The following MAGED1 variants were observed in gnomAD, a reference collection of about 807,000 sequenced individuals.
The protein encoded by MAGED1 is melanoma-associated antigen D1.
MAGED1 carries 3 observed loss-of-function variants against 54.1 expected under a neutral mutation model. The ratio of observed to expected loss-of-function variants is 0.06; its 90% CI spans 0.03 to 0.14. The LOEUF (loss-of-function observed/expected upper bound fraction) is 0.14. Ranked by LOEUF, MAGED1 falls within the 10% of genes least tolerant of loss-of-function variation. The pLI is 1.00. For synonymous variants in MAGED1, 217 were observed against 227.3 expected (o/e 0.95, Z 0.41); for missense variants, 485 against 623.4 (o/e 0.78, Z 2.36).
chrX:51,860,784 C>T (rs1052027019), intron 1 of MAGED1, among the ~76,000 whole-genome samples: 10 of 109,995 alleles, frequency 9.1e-5, no homozygotes, highest in African/African-American at 3.3e-4. Context: ...ATCTCAGAAA[C>T]CTAGGCATTT....
chrX:51,854,813 AT>A (rs1927027005), intron 1 of MAGED1, among the ~76,000 whole-genome samples: 1 of 110,493 alleles, frequency 9.1e-6, no homozygotes, highest in African/African-American at 3.3e-5. Flanking sequence ...TTCATTTTTC[AT>A]TTGTGTGTAT....
intron 1 of MAGED1, among the ~76,000 whole-genome samples, chrX:51,884,070 A>G (rs782427173): frequency 9.0e-6 from 1 of 111,532 alleles, no homozygotes; most frequent in Non-Finnish European, 1.9e-5. Flanking sequence ...CAGAAGAGAG[A>G]GAGAAGAGGT....
chrX:51,813,473 C>A (rs1557355739), intron 1 of MAGED1, among the ~76,000 whole-genome samples: 1 of 112,389 alleles, frequency 8.9e-6, no homozygotes, highest in Non-Finnish European at 1.9e-5. Context: ...AGAACCCTCA[C>A]TCCTGCCTCA....
chrX:51,853,439 C>A (rs1926964944), intron 1 of MAGED1, among the ~76,000 whole-genome samples: 1 of 112,399 alleles, frequency 8.9e-6, no homozygotes, highest in South Asian at 3.7e-4. Flanking sequence ...GGCCTGCTTC[C>A]ATTCACCCTC....
At chrX:51,821,288 C>T (rs1387703484) in intron 1 of MAGED1, among the ~76,000 whole-genome samples, 1 of 111,142 alleles carries the variant, frequency 9.0e-6, no homozygotes, top group Non-Finnish European at 1.9e-5. Context: ...TTTAAAATTG[C>T]CCTTGTTAGA....
At chrX:51,831,373 A>C (rs1254731363) in intron 1 of MAGED1, among the ~76,000 whole-genome samples, 1 of 111,932 alleles carries the variant, frequency 8.9e-6, no homozygotes, top group African/African-American at 3.2e-5. Flanking sequence ...GCACTTGGGG[A>C]GGCCAAGGCA....
chrX:51,850,285 A>G (rs1315701158), intron 1 of MAGED1, among the ~76,000 whole-genome samples: 2 of 111,721 alleles, frequency 1.8e-5, no homozygotes, highest in Non-Finnish European at 3.8e-5. Flanking sequence ...GGATGTGTCA[A>G]TGCTTTTCAA....
At chrX:51,894,718 C>A (rs782409921) in intron 2 of MAGED1, 2 of 1,161,863 alleles carry the variant, frequency 1.7e-6, no homozygotes, top group Non-Finnish European at 1.1e-6. Context: ...CTGTGCGACC[C>A]CCCTTATTCT....
At chrX:51,901,993 A>T in intron 12 of MAGED1, 55 bp downstream of exon 12, 1 of 1,093,809 alleles carries the variant, frequency 9.1e-7, no homozygotes, top group South Asian at 2.3e-5. Context: ...TATAGGGTCC[A>T]TGGGGTTGTA....
At chrX:51,846,959 A>G (rs998886808) in intron 1 of MAGED1, among the ~76,000 whole-genome samples, 1 of 112,008 alleles carries the variant, frequency 8.9e-6, no homozygotes, top group East Asian at 2.8e-4. Context: ...ACTATAAGAA[A>G]ATACATTTGT....
intron 1 of MAGED1, among the ~76,000 whole-genome samples, chrX:51,839,174 G>C (rs1314201011): frequency 1.8e-5 from 2 of 111,709 alleles, no homozygotes; most frequent in African/African-American, 6.5e-5. Flanking sequence ...TTTTATTCCA[G>C]TCAGATTCAC....
chrX:51,881,045 G>C (rs1285621255), intron 1 of MAGED1, among the ~76,000 whole-genome samples: 12 of 111,302 alleles, frequency 1.1e-4, no homozygotes, highest in Admixed American at 1.9e-4. Context: ...CATTCTGGAG[G>C]CTGGGAAGTC....
upstream of MAGED1, among the ~76,000 whole-genome samples, chrX:51,893,028 A>C (rs1454243072): frequency 9.0e-6 from 1 of 110,570 alleles, no homozygotes; most frequent in Non-Finnish European, 1.9e-5. Context: ...AGCTGCAGAA[A>C]GAAAGGGAAG....
chrX:51,822,458 T>A (rs2146957790), intron 1 of MAGED1, among the ~76,000 whole-genome samples: 1 of 111,325 alleles, frequency 9.0e-6, no homozygotes, highest in South Asian at 3.8e-4. Flanking sequence ...ATTTTGTTGA[T>A]CTTTTGGAAG....
chrX:51,825,367 T>C, intron 1 of MAGED1, among the ~76,000 whole-genome samples: 1 of 112,076 alleles, frequency 8.9e-6, no homozygotes, highest in East Asian at 2.8e-4. Flanking sequence ...TTTAAAGATC[T>C]CACTTGGCCG....
intron 1 of MAGED1, among the ~76,000 whole-genome samples, chrX:51,826,166 C>A (rs1157599324): frequency 2.7e-5 from 3 of 112,096 alleles, no homozygotes; most frequent in Non-Finnish European, 5.6e-5. Context: ...TTGATCAATC[C>A]CCAGAGACTT....
intron 1 of MAGED1, among the ~76,000 whole-genome samples, chrX:51,811,901 A>G (rs2146949701): frequency 9.0e-6 from 1 of 111,494 alleles, no homozygotes; most frequent in East Asian, 2.8e-4. Context: ...TAGAAAAGAC[A>G]GATCATTAAT....
chrX:51,828,774 C>CA (rs1325397120), intron 1 of MAGED1, among the ~76,000 whole-genome samples: 4 of 110,268 alleles, frequency 3.6e-5, no homozygotes, highest in African/African-American at 6.6e-5. Context: ...GATATGTTGC[C>CA]AAAAACAGTA....
chrX:51,894,370 C>G, intron 2 of MAGED1, 21 bp downstream of exon 2: 1 of 1,182,075 alleles, frequency 8.5e-7, no homozygotes, highest in Non-Finnish European at 1.1e-6. Context: ...CACTCCCCAC[C>G]CCACCATTTC....
Sources: allele counts gnomAD v4.1 joint callset (sites outside exome capture counted in the v4.1 genomes callset), GRCh38; gene constraint gnomAD v4.1.1; transcripts MANE v1.5; gene names NCBI Gene and HGNC (gene_info 2026-07-23, HGNC 2026-07-21).